Variants in LRRC63 observed in about 807,000 individuals in gnomAD.
The protein encoded by LRRC63 is leucine-rich repeat-containing protein 63.
A neutral mutation model predicts 49.5 loss-of-function variants in LRRC63; 40 were observed. That is an observed-to-expected ratio of 0.81 (90% confidence interval 0.63 to 1.05). The LOEUF (loss-of-function observed/expected upper bound fraction) is 1.05. Among genes scored for constraint, LRRC63 ranks in the 50% least tolerant of loss-of-function variants. The pLI is 0.00. For synonymous variants in LRRC63, 191 were observed against 221.1 expected (o/e 0.86, Z 1.21); for missense variants, 636 against 663.1 (o/e 0.96, Z 0.45).
intron 5 of LRRC63, among the ~76,000 whole-genome samples, chr13:46,241,347 TA>T (rs141328575): frequency 0.041 from 6,287 of 152,230 alleles, 256 homozygotes; most frequent in East Asian, 0.17. Flanking sequence ...GACTTTAATG[TA>T]AAATGCAAAA....
chr13:46,253,476 C>G (rs553202227), intron 7 of LRRC63, among the ~76,000 whole-genome samples: 1 of 151,322 alleles, frequency 6.6e-6, no homozygotes, highest in African/African-American at 2.4e-5. Flanking sequence ...CTGAAAAGAA[C>G]AATATGATGT....
At chr13:46,273,432 C>T (rs1421267380) in intron 9 of LRRC63, among the ~76,000 whole-genome samples, 1 of 151,838 alleles carries the variant, frequency 6.6e-6, no homozygotes, top group Non-Finnish European at 1.5e-5. Flanking sequence ...GAAACCCTGT[C>T]TCTACTAAAA....
At chr13:46,213,190 C>T in intron 2 of LRRC63, 71 bp downstream of exon 2, 1 of 981,752 alleles carries the variant, frequency 1.0e-6, no homozygotes. Context: ...ACTTGCACAG[C>T]TCAGAATCAC....
chr13:46,215,902 G>A (rs1016566951), intron 2 of LRRC63, among the ~76,000 whole-genome samples: 5 of 152,124 alleles, frequency 3.3e-5, no homozygotes, highest in Non-Finnish European at 7.4e-5. Context: ...GTTTTTGTCA[G>A]GTTTGTCGAA....
At chr13:46,221,977 C>T (rs1247950501) in intron 2 of LRRC63, among the ~76,000 whole-genome samples, 3 of 152,236 alleles carry the variant, frequency 2.0e-5, no homozygotes, top group African/African-American at 7.2e-5. Flanking sequence ...TGAGAACACA[C>T]ACCTTCAGGG....
At chr13:46,220,346 T>TAA (rs918550158) in intron 2 of LRRC63, among the ~76,000 whole-genome samples, 1 of 152,134 alleles carries the variant, frequency 6.6e-6, no homozygotes, top group African/African-American at 2.4e-5. Flanking sequence ...CTACCACAGT[T>TAA]TTGCTGAGCT....
At chr13:46,212,326 C>T (rs900155544) in intron 1 of LRRC63, 67 bp downstream of exon 1, 1 of 152,254 alleles carries the variant, frequency 6.6e-6, no homozygotes, top group Non-Finnish European at 1.5e-5. Flanking sequence ...AATGCCGTGC[C>T]AGGCACTTTT....
intron 4 of LRRC63, among the ~76,000 whole-genome samples, chr13:46,231,792 C>T (rs1413564891): frequency 6.6e-6 from 1 of 150,872 alleles, no homozygotes; most frequent in Non-Finnish European, 1.5e-5. Flanking sequence ...AGATGTGAGC[C>T]ACCGCACCTG....
chr13:46,227,407 A>G, intron 2 of LRRC63, 105 bp from the exon 3 acceptor site: 3 of 730,242 alleles, frequency 4.1e-6, no homozygotes, highest in Non-Finnish European at 6.3e-6. Flanking sequence ...CATTTTTAGA[A>G]GGTGAGAAAG....
In LRRC63 at chr13:46,270,394, C is replaced by T. The variant is rs747143077; in HGVS notation, c.1550+3422C>T. ...TCTGTAAGATTTACTGCTCAGATGG[C>T]GAAGAATATACTGTATCTAGTTGTG... is the stretch of plus-strand genomic sequence containing the variant. On this transcript the variant is annotated intron_variant, in intron 9 of 9. Coordinates refer to ENST00000595396, the Ensembl canonical transcript of LRRC63. 3.0e-4 allele frequency: 253 copies of T among 838,142 alleles called. 13 individuals are homozygous for T. Among genetic ancestry groups the T allele is most frequent in the Non-Finnish European group, 4.9e-4 (234 of 474,440 alleles). The allele number at this position is 838,142 out of a possible 1,614,324, so 51.9% of individuals were successfully genotyped here. A position where few individuals can be genotyped will look rare whatever the true frequency, so the allele number is the denominator to read the frequency against.
At chr13:46,250,360 A>G (rs1215484838) in exon 7 of LRRC63, 9 of 1,503,052 alleles carry the variant, frequency 6.0e-6, no homozygotes, top group Non-Finnish European at 8.1e-6. Flanking sequence ...CCCAGATATT[A>G]TGTCTTAAAA....
chr13:46,236,722 C>CT (rs2046914700), intron 5 of LRRC63, among the ~76,000 whole-genome samples: 1 of 152,040 alleles, frequency 6.6e-6, no homozygotes, highest in African/African-American at 2.4e-5. Context: ...AACTCAAAGT[C>CT]TTAAGAAGAA....
rs541693008 is a variant in LRRC63, at chr13:46,267,158, G to A, written c.1550+186G>A. Among the ~76,000 whole-genome samples the A allele has an allele frequency of 1.3e-4, 20 of 152,210 alleles. 1 individual carries two copies. The South Asian group carries it at 2.7e-3, about 21-fold the overall frequency. The stretch of plus-strand genomic sequence containing the variant: ...AGGTATAATAATGTAGTCTGAATCC[G>A]GCCCCCTTGTGTGATATTCTCAAGT... On this transcript the variant is annotated intron_variant, in intron 9 of 9. Transcript: ENST00000595396.
At chr13:46,276,852 T>TATATATATATATATATATA (rs1566518794) in exon 10 of LRRC63, 2 of 120,076 alleles carry the variant, frequency 1.7e-5, no homozygotes, top group Non-Finnish European at 1.5e-5. Flanking sequence ...ATATATATAT[T>TATATATATATATATATATA]TATATATATA....
chr13:46,216,745 A>G (rs1304715800), intron 2 of LRRC63, among the ~76,000 whole-genome samples: 1 of 152,210 alleles, frequency 6.6e-6, no homozygotes, highest in Non-Finnish European at 1.5e-5. Flanking sequence ...TGGGTTTGCC[A>G]TAAATAGCTC....
chr13:46,229,692 G>A (rs1433842998), intron 4 of LRRC63, among the ~76,000 whole-genome samples: 1 of 152,120 alleles, frequency 6.6e-6, no homozygotes, highest in Non-Finnish European at 1.5e-5. Flanking sequence ...AGGCTGAGGT[G>A]GAGTATCACT....
chr13:46,237,307 C>T (rs1183473205), intron 5 of LRRC63, among the ~76,000 whole-genome samples: 1 of 152,072 alleles, frequency 6.6e-6, no homozygotes, highest in East Asian at 1.9e-4. Context: ...AATCTATTTC[C>T]TTATGCATTT....
At chr13:46,222,899 G>A (rs1304514041) in intron 2 of LRRC63, among the ~76,000 whole-genome samples, 14 of 152,016 alleles carry the variant, frequency 9.2e-5, no homozygotes, top group South Asian at 2.1e-4. Flanking sequence ...GGATGAGTTC[G>A]TGTCCTTTGT....
intron 6 of LRRC63, among the ~76,000 whole-genome samples, chr13:46,247,986 CA>C (rs1394792460): frequency 4.6e-5 from 7 of 151,644 alleles, no homozygotes; most frequent in African/African-American, 1.7e-4. Flanking sequence ...AAATTATAGA[CA>C]AAAAAGGAAG....
Sources: allele counts gnomAD v4.1 joint callset (sites outside exome capture counted in the v4.1 genomes callset), GRCh38; gene constraint gnomAD v4.1.1; transcripts MANE v1.5; gene names NCBI Gene and HGNC (gene_info 2026-07-23, HGNC 2026-07-21).